Variants in TRIM24 observed in about 807,000 individuals in gnomAD.
TRIM24 encodes the protein tripartite motif containing 24.
In TRIM24, 29 loss-of-function variants were observed where a neutral mutation model predicts 123.9. The observed-to-expected ratio is 0.23, with a 90% confidence interval of 0.17 to 0.32. The LOEUF (loss-of-function observed/expected upper bound fraction) is 0.32. Ranked by LOEUF, TRIM24 falls within the 10% of genes least tolerant of loss-of-function variation. The probability of loss-of-function intolerance (pLI) is 1.00; values close to 1 mark genes in which losing one functional copy is unlikely to be tolerated. For missense variants in TRIM24, 932 were observed against 1,295.3 expected (o/e 0.72, Z 4.31); for synonymous variants, 456 against 461.1 (o/e 0.99, Z 0.14).
chr7:138,501,092 A>G (rs920700289), intron 1 of TRIM24, among the ~76,000 whole-genome samples: 1 of 152,154 alleles, frequency 6.6e-6, no homozygotes, highest in Non-Finnish European at 1.5e-5. Context: ...AACATTATAT[A>G]CTTTTATATG....
intron 7 of TRIM24, among the ~76,000 whole-genome samples, chr7:138,540,170 A>T (rs1012219940): frequency 4.6e-5 from 7 of 152,186 alleles, no homozygotes; most frequent in Non-Finnish European, 8.8e-5. Flanking sequence ...TTGCTGGTGG[A>T]GATGTTGATG....
intron 17 of TRIM24, among the ~76,000 whole-genome samples, chr7:138,582,710 ACT>A (rs1216304260): frequency 6.6e-6 from 1 of 151,928 alleles, no homozygotes; most frequent in African/African-American, 2.4e-5. Flanking sequence ...CAAGAGCAAA[ACT>A]CTGTCCCAAA....
intron 5 of TRIM24, 28 bp from the exon 6 acceptor site, chr7:138,529,087 CT>C: frequency 7.2e-7 from 1 of 1,380,732 alleles, no homozygotes; most frequent in Non-Finnish European, 9.8e-7. Flanking sequence ...AAAAAACTGC[CT>C]TATGTTTTTC....
chr7:138,503,822 G>A (rs181581533), intron 1 of TRIM24, among the ~76,000 whole-genome samples: 2 of 152,098 alleles, frequency 1.3e-5, no homozygotes, highest in East Asian at 3.9e-4. Context: ...TTGTTCAAAG[G>A]AATACTATTT....
Position 138,576,228 on chromosome 7 carries a change from G to A in TRIM24, c.2015-145G>A, listed in dbSNP as rs748098031. 32 of 741,034 alleles carry A rather than the reference G, an allele frequency of 4.3e-5. No individual in the cohort carries two copies. The Middle Eastern group carries it at 7.3e-4, about 17-fold the overall frequency. The allele number at this position is 741,034 out of a possible 1,614,324, so 45.9% of individuals were successfully genotyped here. On this transcript the variant is annotated intron_variant, in intron 12 of 18. Transcript: ENST00000343526. Reference sequence around the variant, plus strand: ...CCGGTGTAACAGGCTGTAACAGACTGCTGAAAATTCAGCAACTACTTACTG... The same window carrying A: ...CCGGTGTAACAGGCTGTAACAGACTACTGAAAATTCAGCAACTACTTACTG...
At chr7:138,538,937 G>T in intron 7 of TRIM24, 134 bp downstream of exon 7, 8 of 807,648 alleles carry the variant, frequency 9.9e-6, no homozygotes, top group South Asian at 3.9e-5. Context: ...AAAATATTTT[G>T]GTTTTAATAT....
At chr7:138,548,476 G>T (rs1797145412) in intron 7 of TRIM24, among the ~76,000 whole-genome samples, 2 of 152,018 alleles carry the variant, frequency 1.3e-5, no homozygotes, top group South Asian at 4.1e-4. Context: ...AATGGAGCTT[G>T]CAGGACTGGA....
At position 138,573,497 on chromosome 7, in the gene TRIM24, TTCTTG is replaced by T; in HGVS notation, c.1879-8_1879-4del. Reference sequence around the variant, plus strand: ...TCAGAATGCCCTGAAATAATTTCTTTTCTTGTAAGATTGACTGTTCAAGTACTATT... The same window carrying T: ...TCAGAATGCCCTGAAATAATTTCTTTTAAGATTGACTGTTCAAGTACTATT... On this transcript the variant is annotated splice_polypyrimidine_tract_variant and splice_region_variant and intron_variant, in intron 11 of 18. Transcript: ENST00000343526. The T allele has an allele frequency of 6.5e-7, 1 of 1,541,012 alleles. No individual in the cohort carries two copies. The highest frequency in any genetic ancestry group is 1.3e-5 in the South Asian group (1 of 77,036).
intron 5 of TRIM24, 113 bp downstream of exon 5, chr7:138,525,470 A>G (rs2116576985): frequency 2.1e-6 from 1 of 468,992 alleles, no homozygotes; most frequent in Non-Finnish European, 3.7e-6. Context: ...GACTGCAATA[A>G]CACATGACTG....
At chr7:138,484,315 G>A (rs541098087) in intron 1 of TRIM24, among the ~76,000 whole-genome samples, 1 of 151,790 alleles carries the variant, frequency 6.6e-6, no homozygotes, top group East Asian at 1.9e-4. Flanking sequence ...CACCATGTTG[G>A]TCAGACTGGT....
At chr7:138,578,563 T>TGTGTGTGTGTGTGTGCGCGC (rs145011901) in intron 14 of TRIM24, among the ~76,000 whole-genome samples, 22 of 145,086 alleles carry the variant, frequency 1.5e-4, no homozygotes, top group South Asian at 2.2e-4. Flanking sequence ...TGTGTGTGTG[T>TGTGTGTGTGTGTGTGCGCGC]GCGCGCACGC....
rs1797871605 is a variant in TRIM24, at chr7:138,580,588, G to A, written c.2612G>A (p.Arg871Gln). Reference sequence around the variant, plus strand: ...GGAGAGTGGATTTGCACTTTCTGCCGAGACTTATCTAAACCAGAAGTTGAA... The same window carrying A: ...GGAGAGTGGATTTGCACTTTCTGCCAAGACTTATCTAAACCAGAAGTTGAA... The part of the protein sequence containing the change: ...PSGEWICTFC[R>Q]DLSKPEVEYD... The change falls in exon 16 of 19, where the codon CGA (arginine) becomes CAA (glutamine). Residue 871 changes from arginine (R) to glutamine (Q), a missense_variant. This residue lies in a region of TRIM24 where 45 missense variants were observed against 56.6 expected (regional missense o/e 0.80). Transcript: ENST00000343526. 6.2e-7 allele frequency: 1 copy of A among 1,612,890 alleles called. No individual in the cohort carries two copies. Among genetic ancestry groups the A allele is most frequent in the Non-Finnish European group, 8.5e-7 (1 of 1,179,300 alleles).
chr7:138,486,944 A>G (rs1795661289), intron 1 of TRIM24, among the ~76,000 whole-genome samples: 1 of 152,164 alleles, frequency 6.6e-6, no homozygotes, highest in Admixed American at 6.5e-5. Flanking sequence ...GGCCAATTTC[A>G]CAATATTGAT....
chr7:138,525,482 TA>T (rs1181429685), intron 5 of TRIM24, 125 bp downstream of exon 5: 1 of 432,872 alleles, frequency 2.3e-6, no homozygotes, highest in African/African-American at 2.1e-5. Flanking sequence ...ACATGACTGA[TA>T]AGACTTTCCC....
intron 17 of TRIM24, 64 bp downstream of exon 17, chr7:138,581,835 A>G: frequency 1.6e-6 from 2 of 1,281,624 alleles, no homozygotes; most frequent in Non-Finnish European, 1.1e-6. Flanking sequence ...ATTTTATGAG[A>G]ATCTAGCTTA....
In TRIM24 at chr7:138,587,093, T is replaced by A. The variant is rs1798032896; in HGVS notation, c.*2142T>A. ...GGGGCTGGGCGCAGTGGCTCACACC[T>A]GCAATCCCACCAGCACTTTGGGAGG... is the stretch of plus-strand genomic sequence containing the variant. On this transcript the variant is annotated 3_prime_UTR_variant, in exon 19 of 19. Transcript: ENST00000343526. 6.6e-6 allele frequency: 1 copy of A among 152,142 alleles called. No individual in the cohort carries two copies. The highest frequency in any genetic ancestry group is 2.4e-5 in the African/African-American group (1 of 41,428). The allele number at this position is 152,142 out of a possible 1,614,324, so 9.4% of individuals were successfully genotyped here. A position where few individuals can be genotyped will look rare whatever the true frequency, so the allele number is the denominator to read the frequency against.
At chr7:138,542,633 C>T (rs191333409) in intron 7 of TRIM24, among the ~76,000 whole-genome samples, 7 of 152,254 alleles carry the variant, frequency 4.6e-5, no homozygotes, top group East Asian at 3.9e-4. Context: ...ACAGTACTTA[C>T]GAAGCGCAGT....
intron 1 of TRIM24, among the ~76,000 whole-genome samples, chr7:138,491,951 G>T (rs1584697101): frequency 1.4e-5 from 2 of 147,884 alleles, no homozygotes; most frequent in Admixed American, 6.7e-5. Context: ...GTTGGTTGCT[G>T]TTTTTTTTTT....
chr7:138,584,626 A>C, intron 18 of TRIM24, 116 bp from the exon 19 acceptor site: 2 of 803,666 alleles, frequency 2.5e-6, no homozygotes, highest in Non-Finnish European at 3.8e-6. Context: ...GTCTAGTCCT[A>C]AACTATTATT....
Sources: allele counts gnomAD v4.1 joint callset (sites outside exome capture counted in the v4.1 genomes callset), GRCh38; gene constraint gnomAD v4.1.1; regional missense constraint gnomAD v4.1.1; transcripts MANE v1.5; gene names NCBI Gene and HGNC (gene_info 2026-07-23, HGNC 2026-07-21).